Variants in DLG2 observed in about 807,000 individuals in gnomAD.
DLG2 encodes the protein disks large homolog 2.
Under a neutral mutation model 132.5 loss-of-function variants are expected in DLG2, and 45 were observed. That is an observed-to-expected ratio of 0.34 (90% confidence interval 0.27 to 0.44). The LOEUF is 0.44. DLG2 is among the 20% of genes least tolerant of loss of function. The pLI, the probability that DLG2 is intolerant of heterozygous loss-of-function variation, is 1.00. For synonymous variants in DLG2, 424 were observed against 419.6 expected (o/e 1.01, Z -0.13); for missense variants, 1,045 against 1,196.9 (o/e 0.87, Z 1.87).
chr11:84,803,401 T>G (rs1218623630), intron 6 of DLG2, among the ~76,000 whole-genome samples: 1 of 152,212 alleles, frequency 6.6e-6, no homozygotes, highest in African/African-American at 2.4e-5. Flanking sequence ...AATAGAGAGA[T>G]TAAACACTAG....
chr11:83,923,811 C>T (rs2078412045), intron 15 of DLG2, among the ~76,000 whole-genome samples: 1 of 152,104 alleles, frequency 6.6e-6, no homozygotes, highest in Non-Finnish European at 1.5e-5. Flanking sequence ...CAAACTTTTC[C>T]CACACAGGTG....
At chr11:85,118,927 T>C (rs188585874) in intron 5 of DLG2, among the ~76,000 whole-genome samples, 110 of 151,778 alleles carry the variant, frequency 7.2e-4, no homozygotes, top group African/African-American at 2.4e-3. Flanking sequence ...TCTAGGGGCC[T>C]GATATATACT....
intron 6 of DLG2, among the ~76,000 whole-genome samples, chr11:84,761,130 G>A (rs2067572518): frequency 6.6e-6 from 1 of 152,218 alleles, no homozygotes; most frequent in Non-Finnish European, 1.5e-5. Context: ...AGCTGAAACA[G>A]CTTGGTAACA....
chr11:85,291,105 C>T (rs1192466881), intron 3 of DLG2, among the ~76,000 whole-genome samples: 1 of 152,060 alleles, frequency 6.6e-6, no homozygotes, highest in African/African-American at 2.4e-5. Context: ...AAATATTTTT[C>T]TCTTGAAAGG....
At chr11:84,532,329 A>G (rs1472377718) in intron 7 of DLG2, among the ~76,000 whole-genome samples, 1 of 152,100 alleles carries the variant, frequency 6.6e-6, no homozygotes, top group Non-Finnish European at 1.5e-5. Context: ...GTTGACTTAA[A>G]TATAATACTA....
At chr11:84,955,638 T>C (rs2051555462) in intron 6 of DLG2, 1 of 152,174 alleles carries the variant, frequency 6.6e-6, no homozygotes, top group Non-Finnish European at 1.5e-5. Flanking sequence ...AAGACTATGA[T>C]ACATGTGGAC....
At chr11:84,286,906 G>A (rs577661510) in intron 7 of DLG2, among the ~76,000 whole-genome samples, 2 of 152,228 alleles carry the variant, frequency 1.3e-5, no homozygotes, top group South Asian at 2.1e-4. Context: ...ATAGTTAAGC[G>A]TACATGATCT....
intron 7 of DLG2, among the ~76,000 whole-genome samples, chr11:84,511,869 T>C (rs2099257951): frequency 6.6e-6 from 1 of 152,150 alleles, no homozygotes; most frequent in South Asian, 2.1e-4. Flanking sequence ...AGAATGTAGA[T>C]TTAAAACAAT....
chr11:84,563,288 A>G (rs560656289), intron 6 of DLG2, among the ~76,000 whole-genome samples: 3 of 152,224 alleles, frequency 2.0e-5, no homozygotes, highest in Non-Finnish European at 2.9e-5. Flanking sequence ...CTACACCCAC[A>G]ACACATCCAC....
At chr11:83,873,538 C>A (rs907707379) in intron 16 of DLG2, among the ~76,000 whole-genome samples, 12 of 152,158 alleles carry the variant, frequency 7.9e-5, no homozygotes, top group Non-Finnish European at 1.6e-4. Context: ...TGCCATCTGC[C>A]ATGATTGTGA....
At chr11:83,924,548 CTTGCACAGCCCTTCCCCCATA>C (rs2078583736) in intron 15 of DLG2, among the ~76,000 whole-genome samples, 1 of 152,120 alleles carries the variant, frequency 6.6e-6, no homozygotes, top group African/African-American at 2.4e-5. Context: ...TACAGGCAGG[CTTGCACAGCCCTTCCCCCATA>C]CTGCCAACCC....
At chr11:84,836,252 T>G (rs1303198150) in intron 6 of DLG2, among the ~76,000 whole-genome samples, 3 of 151,838 alleles carry the variant, frequency 2.0e-5, no homozygotes, top group Non-Finnish European at 4.4e-5. Flanking sequence ...ACTTAAATAC[T>G]GTATTTTTGT....
At chr11:83,596,206 T>G (rs2057550265) in intron 19 of DLG2, among the ~76,000 whole-genome samples, 1 of 152,208 alleles carries the variant, frequency 6.6e-6, no homozygotes, top group Non-Finnish European at 1.5e-5. Flanking sequence ...TGATCTGATG[T>G]AAGGGGAGGA....
chr11:85,619,190 T>C (rs2081537020), intron 2 of DLG2, among the ~76,000 whole-genome samples: 1 of 152,180 alleles, frequency 6.6e-6, no homozygotes, highest in Non-Finnish European at 1.5e-5. Flanking sequence ...ACGGGGAATT[T>C]CTTTTAAAAT....
intron 11 of DLG2, among the ~76,000 whole-genome samples, chr11:84,033,899 A>AAAAC (rs138062026): frequency 8.7e-5 from 13 of 149,922 alleles, no homozygotes; most frequent in East Asian, 4.0e-4. Flanking sequence ...AACAAAAACA[A>AAAAC]AAACAAACAA....
At chr11:84,084,838 G>A (rs1391715916) in intron 10 of DLG2, among the ~76,000 whole-genome samples, 4 of 152,122 alleles carry the variant, frequency 2.6e-5, no homozygotes, top group African/African-American at 9.7e-5. Context: ...AAGTTCAATT[G>A]ATCAAGAATG....
chr11:84,694,301 T>C (rs1565681849), intron 6 of DLG2, among the ~76,000 whole-genome samples: 1 of 151,624 alleles, frequency 6.6e-6, no homozygotes, highest in Non-Finnish European at 1.5e-5. Context: ...AAGACAACAT[T>C]GCATATATAA....
chr11:84,869,076 G>T (rs1280443805), intron 6 of DLG2, among the ~76,000 whole-genome samples: 2 of 152,074 alleles, frequency 1.3e-5, no homozygotes, highest in African/African-American at 2.4e-5. Context: ...GTACATTTAG[G>T]TTCCTACTTG....
At chr11:84,115,254 T>C (rs1298274981) in intron 9 of DLG2, among the ~76,000 whole-genome samples, 1 of 152,100 alleles carries the variant, frequency 6.6e-6, no homozygotes, top group Non-Finnish European at 1.5e-5. Context: ...AATCTATTCA[T>C]TGGTATTCAA....
Sources: gnomAD v4.1 joint callset for allele counts (sites outside exome capture counted in the v4.1 genomes callset) on GRCh38, gnomAD v4.1.1 for gene constraint, MANE v1.5 for transcripts, NCBI Gene and HGNC (gene_info 2026-07-23, HGNC 2026-07-21) for gene names.